MRTFA: variants seen among roughly 807,000 people sequenced by gnomAD.
MRTFA encodes myocardin related transcription factor A, also known as myocardin-related transcription factor A.
In MRTFA, 20 loss-of-function variants were observed where a neutral mutation model predicts 83.5. That is an observed-to-expected ratio of 0.24 (90% CI 0.17 to 0.35). The LOEUF (loss-of-function observed/expected upper bound fraction) is 0.35, where lower values mean the gene tolerates loss of function less well. Ranked by LOEUF, MRTFA falls within the 10% of genes least tolerant of loss-of-function variation. The pLI, the probability that MRTFA is intolerant of heterozygous loss-of-function variation, is 1.00. For synonymous variants in MRTFA, 659 were observed against 541.2 expected, an observed-to-expected ratio of 1.22 and a Z score of -3.02; for missense variants, 1,200 against 1,224.7, an observed-to-expected ratio of 0.98 and a Z score of 0.30.
chr22:40,533,831 T>G (rs1277174729), intron 3 of MRTFA: 2 of 389,688 alleles, frequency 5.1e-6, no homozygotes, highest in African/African-American at 4.1e-5. Context: ...CAGATTTGAA[T>G]TACTGCCGAC....
intron 4 of MRTFA, among the ~76,000 whole-genome samples, chr22:40,439,437 A>G (rs1382799562): frequency 6.7e-6 from 1 of 148,906 alleles, no homozygotes; most frequent in Non-Finnish European, 1.5e-5. Context: ...CCCAAGAGGC[A>G]GAAGTTGCAG....
intron 2 of MRTFA, 76 bp downstream of exon 2, chr22:40,594,598 A>G (rs2056165122): frequency 6.6e-6 from 1 of 152,160 alleles, no homozygotes; most frequent in Non-Finnish European, 1.5e-5. Flanking sequence ...GATCTATTCT[A>G]GGTCAGTACA....
rs2055535474 is a variant in MRTFA at position 40,557,011 on chromosome 22, A to G, written c.-21-4644T>C. On this transcript the variant is annotated intron_variant, in intron 2 of 14. Transcript: ENST00000355630. ...GTTTTCAATAAACAGCTGTTAAATCATTATGGATTGTAAGAGTTCAGACCT... is the reference window on the plus strand; with the variant it reads ...GTTTTCAATAAACAGCTGTTAAATCGTTATGGATTGTAAGAGTTCAGACCT... Among the ~76,000 whole-genome samples the G allele has an allele frequency of 2.0e-5, 3 of 152,246 alleles. No homozygotes were observed. The South Asian group carries it at 6.2e-4, about 31-fold the overall frequency.
At chr22:40,423,052 T>A (rs1302401086) in intron 9 of MRTFA, among the ~76,000 whole-genome samples, 1 of 152,104 alleles carries the variant, frequency 6.6e-6, no homozygotes. Flanking sequence ...AGCAGACACC[T>A]CAGTCCATGA....
chr22:40,472,965 T>C (rs1345994751), intron 3 of MRTFA, among the ~76,000 whole-genome samples: 1 of 152,166 alleles, frequency 6.6e-6, no homozygotes, highest in Non-Finnish European at 1.5e-5. Flanking sequence ...CCATAAAATG[T>C]ATTTGTAGAC....
chr22:40,455,663 AAC>A (rs200838333), intron 4 of MRTFA, among the ~76,000 whole-genome samples: 52 of 124,438 alleles, frequency 4.2e-4, no homozygotes, highest in African/African-American at 6.3e-4. Context: ...AAAAAAAAAA[AAC>A]ATATGGAGTG....
chr22:40,573,915 AT>A (rs2055832824), intron 2 of MRTFA, among the ~76,000 whole-genome samples: 2 of 151,766 alleles, frequency 1.3e-5, no homozygotes, highest in Non-Finnish European at 2.9e-5. Flanking sequence ...CATCAAGGAT[AT>A]TTTTATTTTT....
chr22:40,627,572 C>G (rs967025855), intron 1 of MRTFA, among the ~76,000 whole-genome samples: 20 of 152,194 alleles, frequency 1.3e-4, no homozygotes, highest in African/African-American at 4.8e-4. Flanking sequence ...CTCACTATAA[C>G]TGACATTTTC....
chr22:40,586,898 TG>T, intron 2 of MRTFA: 3 of 432,854 alleles, frequency 6.9e-6, no homozygotes, highest in South Asian at 5.1e-5. Flanking sequence ...CTGCTGGTGC[TG>T]CTGGTGCTGC....
At chr22:40,595,781 G>A (rs915529486) in intron 1 of MRTFA, among the ~76,000 whole-genome samples, 1 of 149,084 alleles carries the variant, frequency 6.7e-6, no homozygotes, top group Non-Finnish European at 1.5e-5. Flanking sequence ...AGTTAGATCA[G>A]CAAAGAGTGG....
intron 4 of MRTFA, among the ~76,000 whole-genome samples, chr22:40,451,284 GATAA>G (rs2053480937): frequency 6.6e-6 from 1 of 152,160 alleles, no homozygotes; most frequent in Admixed American, 6.5e-5. Context: ...GACTGACCAT[GATAA>G]ATGAGCACCA....
intron 2 of MRTFA, among the ~76,000 whole-genome samples, chr22:40,562,732 G>GGGGGGAA (rs2055645339): frequency 1.2e-5 from 1 of 85,352 alleles, no homozygotes; most frequent in East Asian, 5.3e-4. Flanking sequence ...GAAGGGGGAA[G>GGGGGGAA]GGGGGAAGGG....
Position 40,410,921 on chromosome 22 carries a change from G to GCAGACA in MRTFA, c.*463_*468dup. 1 of 233,334 alleles carries GCAGACA rather than the reference G, an allele frequency of 4.3e-6. No individual in the cohort carries two copies. 14.5% of individuals were successfully genotyped at this position (233,334 alleles called of 1,614,324 possible). ...AGGGAGCCCTGGGATCCTGGGGTTG[G>GCAGACA]CAGACACAGGGAATAGGGGGTAGAG... On this transcript the variant is annotated 3_prime_UTR_variant, in exon 15 of 15. Transcript: ENST00000355630.
chr22:40,453,642 A>G (rs1018608944), intron 4 of MRTFA, among the ~76,000 whole-genome samples: 1 of 152,354 alleles, frequency 6.6e-6, no homozygotes, highest in East Asian at 1.9e-4. Flanking sequence ...CTGATGAAGT[A>G]TCCACTGAGA....
intron 4 of MRTFA, among the ~76,000 whole-genome samples, chr22:40,462,746 C>T (rs1313462589): frequency 1.3e-5 from 2 of 152,164 alleles, no homozygotes; most frequent in African/African-American, 4.8e-5. Context: ...CCAGGCCAGC[C>T]TTAGAGTATC....
chr22:40,435,207 A>G (rs118014764), intron 5 of MRTFA, among the ~76,000 whole-genome samples: 1,815 of 152,334 alleles, frequency 0.012, 34 homozygotes, highest in South Asian at 0.035. Context: ...AAGCACTCCA[A>G]AATTCAGGCA....
chr22:40,470,234 TATATATA>T (rs2053878429), intron 3 of MRTFA, among the ~76,000 whole-genome samples: 1 of 13,158 alleles, frequency 7.6e-5, no homozygotes, highest in African/African-American at 2.2e-4. Context: ...CAAAATTTTA[TATATATA>T]TATATATATA....
intron 2 of MRTFA, among the ~76,000 whole-genome samples, chr22:40,583,160 A>G (rs6001974): frequency 0.1 from 15,430 of 152,224 alleles, 938 homozygotes; most frequent in East Asian, 0.25. Flanking sequence ...TGTAACAGAC[A>G]CTATCAATCC....
rs534260452 is a variant in MRTFA at position 40,586,487 on chromosome 22, C to G, written c.-22+8187G>C. Among the ~76,000 whole-genome samples, 22 of 152,222 alleles carry G rather than the reference C, an allele frequency of 1.4e-4. No individual in the cohort carries two copies. The South Asian group carries it at 4.4e-3, about 30-fold the overall frequency. ...AAAACACATTCATAATGGCAAACGC[C>G]CTCAGAATCTTCAGGAAAATACCTT... On this transcript the variant is annotated intron_variant, in intron 2 of 14. Coordinates refer to ENST00000355630, the MANE Select transcript of MRTFA (RefSeq NM_020831.6).
Sources: gnomAD v4.1 joint callset for allele counts (sites outside exome capture counted in the v4.1 genomes callset) on GRCh38, gnomAD v4.1.1 for gene constraint, MANE v1.5 for transcripts, NCBI Gene and HGNC (gene_info 2026-07-23, HGNC 2026-07-21) for gene names.